Variants in CNTNAP5 observed in about 807,000 individuals in gnomAD.
CNTNAP5 encodes the protein contactin associated protein family member 5, also known as contactin-associated protein-like 5.
In CNTNAP5, 72 loss-of-function variants were observed where a neutral mutation model predicts 150.2. The observed-to-expected ratio is 0.48, with a 90% CI of 0.40 to 0.58. The LOEUF (loss-of-function observed/expected upper bound fraction) is 0.58, where lower values mean the gene tolerates loss of function less well. CNTNAP5 is among the 20% of genes least tolerant of loss of function. The probability of loss-of-function intolerance (pLI) is 0.00; values close to 1 mark genes in which losing one functional copy is unlikely to be tolerated. For missense variants in CNTNAP5, 1,636 were observed against 1,626.2 expected, an observed-to-expected ratio of 1.01 and a Z score of -0.10; for synonymous variants, 672 against 619.8, an observed-to-expected ratio of 1.08 and a Z score of -1.25.
chr2:124,278,682 G>A (rs1320666480), intron 3 of CNTNAP5, among the ~76,000 whole-genome samples: 1 of 152,120 alleles, frequency 6.6e-6, no homozygotes, highest in East Asian at 1.9e-4. Context: ...CTGAAAAACA[G>A]GTGACCTTTA....
intron 6 of CNTNAP5, among the ~76,000 whole-genome samples, chr2:124,454,371 C>T (rs1186736720): frequency 6.6e-6 from 1 of 152,114 alleles, no homozygotes; most frequent in East Asian, 1.9e-4. Flanking sequence ...AATATATATG[C>T]ACCTAACTCT....
At chr2:124,099,219 A>G (rs1683009225) in intron 1 of CNTNAP5, among the ~76,000 whole-genome samples, 1 of 152,068 alleles carries the variant, frequency 6.6e-6, no homozygotes, top group Non-Finnish European at 1.5e-5. Context: ...TATGCTCTCT[A>G]CACCTACGCA....
chr2:124,677,852 C>G (rs1314325790), intron 13 of CNTNAP5, among the ~76,000 whole-genome samples: 1 of 151,846 alleles, frequency 6.6e-6, no homozygotes, highest in Non-Finnish European at 1.5e-5. Flanking sequence ...GCCCACCTGG[C>G]TTCACCTCTC....
chr2:124,285,551 A>G (rs970102904), intron 3 of CNTNAP5, among the ~76,000 whole-genome samples: 16 of 152,040 alleles, frequency 1.1e-4, no homozygotes, highest in Admixed American at 7.2e-4. Context: ...CGTAATCTCA[A>G]CAATTTGGGA....
intron 1 of CNTNAP5, among the ~76,000 whole-genome samples, chr2:124,094,096 G>T (rs1165968976): frequency 1.3e-5 from 2 of 152,248 alleles, no homozygotes; most frequent in Non-Finnish European, 2.9e-5. Flanking sequence ...AACTGAAAGT[G>T]CTTTAGCACA....
At chr2:124,880,666 G>T (rs939724828) in intron 21 of CNTNAP5, among the ~76,000 whole-genome samples, 14 of 152,062 alleles carry the variant, frequency 9.2e-5, no homozygotes, top group African/African-American at 3.4e-4. Flanking sequence ...TATATACAAG[G>T]TGATATAATA....
intron 1 of CNTNAP5, among the ~76,000 whole-genome samples, chr2:124,201,522 G>T (rs1288635720): frequency 6.6e-6 from 1 of 152,190 alleles, no homozygotes; most frequent in Non-Finnish European, 1.5e-5. Flanking sequence ...GGTAAATAGA[G>T]TATTCAAGGG....
In CNTNAP5 at chr2:124,423,953, C is replaced by A. The variant is rs553978848; in HGVS notation, c.529+6363C>A. Among the ~76,000 whole-genome samples, 12 of 150,620 alleles carry A rather than the reference C, an allele frequency of 8.0e-5. No individual in the cohort carries two copies. The South Asian group carries it at 2.5e-3, about 32-fold the overall frequency. On this transcript the variant is annotated intron_variant, in intron 4 of 23. Transcript: ENST00000682447. ...TGCTGGGATTACAGGCGTGAGCCAC[C>A]GCGCCCGGCCCGGCTAATTAACTTT... is the stretch of plus-strand genomic sequence containing the variant.
chr2:124,533,895 G>A (rs1695172594), intron 10 of CNTNAP5, among the ~76,000 whole-genome samples: 1 of 152,158 alleles, frequency 6.6e-6, no homozygotes, highest in Non-Finnish European at 1.5e-5. Context: ...ACCCCTGAAC[G>A]TCACAGCTTG....
At chr2:124,425,254 A>C (rs1167207541) in intron 4 of CNTNAP5, among the ~76,000 whole-genome samples, 14 of 152,192 alleles carry the variant, frequency 9.2e-5, no homozygotes, top group Admixed American at 9.2e-4. Context: ...AACCATACTA[A>C]ATCTTTTTAT....
At position 124,570,688 on chromosome 2, in the gene CNTNAP5, T is replaced by C. The variant is rs182109612; in HGVS notation, c.1756+7365T>C. Among the ~76,000 whole-genome samples the C allele has an allele frequency of 1.6e-3, 245 of 152,272 alleles. 1 individual carries two copies. Among genetic ancestry groups the C allele is most frequent in the Middle Eastern group, 3.4e-3 (1 of 294 alleles). ...AGGTGTGGGTACTAGGGACAGATAC[T>C]GGATGCAATTTGCAATTTTGTGGGC... On this transcript the variant is annotated intron_variant, in intron 11 of 23. Coordinates refer to ENST00000682447, the MANE Select transcript of CNTNAP5 (RefSeq NM_001367498.1).
At chr2:124,260,214 C>T (rs1356104111) in intron 3 of CNTNAP5, among the ~76,000 whole-genome samples, 3 of 152,126 alleles carry the variant, frequency 2.0e-5, no homozygotes, top group Non-Finnish European at 4.4e-5. Flanking sequence ...AATAATGCCA[C>T]ATATCTACAA....
intron 1 of CNTNAP5, among the ~76,000 whole-genome samples, chr2:124,043,124 A>G (rs1347873): frequency 6.6e-6 from 1 of 152,038 alleles, no homozygotes; most frequent in Non-Finnish European, 1.5e-5. Flanking sequence ...TGCCTTTTGA[A>G]AAAGGAAAGT....
intron 21 of CNTNAP5, among the ~76,000 whole-genome samples, chr2:124,900,173 G>A (rs867157410): frequency 6.6e-6 from 1 of 151,430 alleles, no homozygotes; most frequent in African/African-American, 2.4e-5. Context: ...GAGGGGAATA[G>A]AAATAATTCT....
intron 2 of CNTNAP5, among the ~76,000 whole-genome samples, chr2:124,240,063 G>C (rs952688355): frequency 1.5e-4 from 23 of 151,902 alleles, no homozygotes; most frequent in Non-Finnish European, 1.5e-5. Flanking sequence ...TTTAATCCTG[G>C]GTGCCAAATT....
intron 13 of CNTNAP5, among the ~76,000 whole-genome samples, chr2:124,663,508 C>T (rs375729967): frequency 6.6e-6 from 1 of 152,086 alleles, no homozygotes; most frequent in African/African-American, 2.4e-5. Context: ...ATATTCAGCA[C>T]AATTTTTGCA....
rs541772415 is a variant in CNTNAP5, at chr2:124,576,003, A to G, written c.1756+12680A>G. 3.3e-5 allele frequency among the ~76,000 whole-genome samples: 5 copies of G among 152,270 alleles called. No individual in the cohort carries two copies. The South Asian group carries it at 1.0e-3, about 32-fold the overall frequency. ...GAATTGAGGATCCTGCTTTTTATTT[A>G]AAGAGTATTTCTTAAAGATCCTCAC... On this transcript the variant is annotated intron_variant, in intron 11 of 23. Transcript: ENST00000682447.
intron 21 of CNTNAP5, among the ~76,000 whole-genome samples, chr2:124,873,075 G>A (rs1677785766): frequency 6.6e-6 from 1 of 152,070 alleles, no homozygotes; most frequent in Non-Finnish European, 1.5e-5. Flanking sequence ...TTGACTTATG[G>A]TTCTACAAGC....
intron 3 of CNTNAP5, among the ~76,000 whole-genome samples, chr2:124,407,986 T>C (rs1327646294): frequency 1.3e-5 from 2 of 152,128 alleles, no homozygotes; most frequent in Non-Finnish European, 1.5e-5. Flanking sequence ...TTCATCTCAC[T>C]AGGGAGTGCC....
Sources: allele counts gnomAD v4.1 joint callset (sites outside exome capture counted in the v4.1 genomes callset), GRCh38; gene constraint gnomAD v4.1.1; transcripts MANE v1.5; gene names NCBI Gene and HGNC (gene_info 2026-07-23, HGNC 2026-07-21).